Variants in IL31RA observed in about 807,000 individuals in gnomAD.
The protein encoded by IL31RA is interleukin 31 receptor A.
Under a neutral mutation model 83.7 loss-of-function variants are expected in IL31RA, and 66 were observed. The observed-to-expected ratio is 0.79, with a 90% confidence interval of 0.65 to 0.97. The LOEUF (loss-of-function observed/expected upper bound fraction) is 0.97, where lower values mean the gene tolerates loss of function less well. IL31RA is among the 50% of genes least tolerant of loss of function. The pLI is 0.00. For missense variants in IL31RA, 798 were observed against 919.4 expected (o/e 0.87, Z 1.71); for synonymous variants, 325 against 329.0 (o/e 0.99, Z 0.13).
chr5:55,850,321 C>T (rs1283467964), upstream of IL31RA, among the ~76,000 whole-genome samples: 1 of 152,136 alleles, frequency 6.6e-6, no homozygotes, highest in Non-Finnish European at 1.5e-5. Context: ...CTCCATTCCT[C>T]TGTTCTGTGC....
intron 4 of IL31RA, among the ~76,000 whole-genome samples, chr5:55,873,496 G>A (rs907858931): frequency 2.0e-5 from 3 of 152,202 alleles, no homozygotes. Flanking sequence ...CAAAGTGACT[G>A]CACCATTTAA....
upstream of IL31RA, among the ~76,000 whole-genome samples, chr5:55,848,063 T>A (rs916832104): frequency 1.3e-5 from 2 of 152,236 alleles, no homozygotes; most frequent in African/African-American, 4.8e-5. Context: ...TCACTGGTGA[T>A]GCTAACTTTC....
intron 7 of IL31RA, among the ~76,000 whole-genome samples, chr5:55,898,053 G>T (rs1476891543): frequency 2.0e-5 from 3 of 152,242 alleles, no homozygotes; most frequent in African/African-American, 7.2e-5. Context: ...GCCGCCGCAT[G>T]GGACAACAGC....
At chr5:55,868,731 C>A (rs765982912) in intron 2 of IL31RA, 60 bp from the exon 3 acceptor site, 10 of 966,994 alleles carry the variant, frequency 1.0e-5, no homozygotes, top group Admixed American at 1.7e-5. Flanking sequence ...TCAATGCTGG[C>A]AATATTTATT....
chr5:55,868,774 G>A lies in IL31RA; in HGVS notation c.155-17G>A, dbSNP rs758961906. The A allele has an allele frequency of 1.5e-6, 2 of 1,319,726 alleles. No individual in the cohort carries two copies. Among genetic ancestry groups the A allele is most frequent in the Non-Finnish European group, 2.2e-6 (2 of 911,784 alleles). 81.8% of individuals were successfully genotyped at this position (1,319,726 alleles called of 1,614,324 possible). On this transcript the variant is annotated splice_polypyrimidine_tract_variant and intron_variant, in intron 2 of 14. Transcript: ENST00000652347. ...GAAATTTTTGTGTTTGTGTGTGTGT[G>A]TGTTTAATTTATTTAGCTCTGCCAG...
Position 55,919,843 on chromosome 5 carries a change from G to A in IL31RA, c.*2723G>A, listed in dbSNP as rs181128028. On this transcript the variant is annotated 3_prime_UTR_variant, in exon 15 of 15. Transcript: ENST00000652347. ...CTGGATCGAGTCACCAACTGTCCCC[G>A]CTCTGGGCACCAGGGACTGCCTCTG... is the stretch of plus-strand genomic sequence containing the variant. Among the ~76,000 whole-genome samples the A allele has an allele frequency of 3.6e-3, 549 of 152,310 alleles. 4 individuals are homozygous for A. Among genetic ancestry groups the A allele is most frequent in the Middle Eastern group, 0.014 (4 of 294 alleles).
chr5:55,872,359 C>G lies in IL31RA; in HGVS notation c.362C>G (p.Thr121Arg), dbSNP rs138426439. Residue 121 changes from threonine (T) to arginine (R), a missense_variant, in exon 4 of 15, where the codon ACG (threonine) becomes AGG (arginine). By Grantham distance (71) the Thr-to-Arg change is moderately conservative. Coordinates refer to ENST00000652347, the MANE Select transcript of IL31RA (RefSeq NM_139017.7). ...TGCTCTTTTTTCCTTCCAAGAATAA[C>G]GATCCCAGATAATTATACCATTGAG... is the stretch of plus-strand genomic sequence containing the variant. ...ASCSFFLPRI[T>R]IPDNYTIEVE... is the part of the protein sequence containing the mutation. 2 of 1,610,126 alleles carry G rather than the reference C, an allele frequency of 1.2e-6. No homozygotes were observed. The highest frequency in any genetic ancestry group is 2.2e-5 in the South Asian group (2 of 90,980).
At chr5:55,843,372 G>A in the IL31RA span, among the ~76,000 whole-genome samples, 2 of 152,158 alleles carry the variant, frequency 1.3e-5, no homozygotes, top group African/African-American at 2.4e-5. Context: ...AGGAAGTAGT[G>A]CAGTCAGTGG....
rs545833869 is a variant in IL31RA, at chr5:55,863,266, G to A, written c.154+3667G>A. ...GGACACAAAACTAGGGAAAGCTATT[G>A]TTAAATTCCTCCTCCAAGTCTGAGA... On this transcript the variant is annotated intron_variant, in intron 2 of 14. Transcript: ENST00000652347. Among the ~76,000 whole-genome samples the A allele has an allele frequency of 3.3e-5, 5 of 152,364 alleles. No homozygotes were observed. The South Asian group carries it at 1.0e-3, about 32-fold the overall frequency.
intron 4 of IL31RA, among the ~76,000 whole-genome samples, chr5:55,872,686 A>G (rs1378158131): frequency 6.6e-6 from 1 of 152,038 alleles, no homozygotes; most frequent in Admixed American, 6.6e-5. Flanking sequence ...ATGAGAAACA[A>G]AAGCTATTTT....
intron 2 of IL31RA, among the ~76,000 whole-genome samples, chr5:55,865,053 TC>T: frequency 6.6e-6 from 1 of 152,298 alleles, no homozygotes; most frequent in Non-Finnish European, 1.5e-5. Context: ...TTGCACTTCC[TC>T]CTGACAGTTG....
chr5:55,882,956 G>T, intron 4 of IL31RA, 88 bp from the exon 5 acceptor site: 2 of 1,225,086 alleles, frequency 1.6e-6, no homozygotes, highest in Middle Eastern at 2.7e-4. Flanking sequence ...CACAATGCAC[G>T]TATCATTTTT....
chr5:55,908,253 T>C lies in IL31RA; in HGVS notation c.1355-12T>C, dbSNP rs751853723. 1 of 1,613,972 alleles carries C rather than the reference T, an allele frequency of 6.2e-7. No individual in the cohort carries two copies. Among genetic ancestry groups the C allele is most frequent in the Admixed American group, 1.7e-5 (1 of 60,010 alleles). ...GTTCAGTGATTATCATTTATCCCTCTGTCCTTTCCAGTTCCATCAGAAGGT... is the reference window on the plus strand; with the variant it reads ...GTTCAGTGATTATCATTTATCCCTCCGTCCTTTCCAGTTCCATCAGAAGGT... On this transcript the variant is annotated splice_polypyrimidine_tract_variant and intron_variant, in intron 10 of 14. Transcript: ENST00000652347.
At chr5:55,866,032 A>G (rs1746026448) in intron 2 of IL31RA, among the ~76,000 whole-genome samples, 1 of 152,078 alleles carries the variant, frequency 6.6e-6, no homozygotes, top group Admixed American at 6.5e-5. Context: ...GCCACAGCTT[A>G]TGCTCCAGTT....
chr5:55,845,285 A>G, the IL31RA span, among the ~76,000 whole-genome samples: 1 of 152,234 alleles, frequency 6.6e-6, no homozygotes, highest in Non-Finnish European at 1.5e-5. Flanking sequence ...CCCTATGATT[A>G]GGTCTCAGTC....
At chr5:55,866,149 C>A (rs1746033260) in intron 2 of IL31RA, among the ~76,000 whole-genome samples, 1 of 152,142 alleles carries the variant, frequency 6.6e-6, no homozygotes, top group Non-Finnish European at 1.5e-5. Flanking sequence ...TTTGAGGGCA[C>A]AGGGAAATTT....
At chr5:55,867,078 T>G (rs1192496525) in intron 2 of IL31RA, among the ~76,000 whole-genome samples, 3 of 88,860 alleles carry the variant, frequency 3.4e-5, no homozygotes, top group Non-Finnish European at 8.7e-5. Flanking sequence ...TAGTTGTGCA[T>G]GTGTGTTTGT....
intron 6 of IL31RA, among the ~76,000 whole-genome samples, chr5:55,892,656 T>C (rs902925798): frequency 6.6e-6 from 1 of 152,206 alleles, no homozygotes; most frequent in African/African-American, 2.4e-5. Context: ...TGCCATTGTG[T>C]TTTGCCTAGC....
In IL31RA at chr5:55,919,260, G is replaced by A. The variant is rs1749974010; in HGVS notation, c.*2140G>A. 1.3e-5 allele frequency among the ~76,000 whole-genome samples: 2 copies of A among 152,188 alleles called. No individual in the cohort carries two copies. Among genetic ancestry groups the A allele is most frequent in the South Asian group, 2.1e-4 (1 of 4,818 alleles). On this transcript the variant is annotated 3_prime_UTR_variant, in exon 15 of 15. Coordinates refer to ENST00000652347, the MANE Select transcript of IL31RA (RefSeq NM_139017.7). ...TTCTCAAATTCTGTGGGAGGTGGGT[G>A]AGAGGAGAGCCTGGAACAAGTTCTC...
Sources: allele counts gnomAD v4.1 joint callset (sites outside exome capture counted in the v4.1 genomes callset), GRCh38; gene constraint gnomAD v4.1.1; transcripts MANE v1.5; gene names NCBI Gene and HGNC (gene_info 2026-07-23, HGNC 2026-07-21).